Variants in CYSLTR2 observed in about 807,000 individuals in gnomAD.
CYSLTR2 encodes G-protein coupled receptor GPCR21.
For synonymous variants in CYSLTR2, 179 were observed against 160.8 expected (o/e 1.11, Z -0.86); for missense variants, 398 against 411.9 (o/e 0.97, Z 0.29).
chr13:48,689,847 G>A (rs889826028), intron 1 of CYSLTR2, among the ~76,000 whole-genome samples: 1 of 152,168 alleles, frequency 6.6e-6, no homozygotes, highest in Non-Finnish European at 1.5e-5. Flanking sequence ...ACTTTGGGCA[G>A]TATGGCCATT....
chr13:48,680,921 C>A lies in CYSLTR2; in HGVS notation c.-265-10291C>A, dbSNP rs565857293. Among the ~76,000 whole-genome samples, 10 of 150,292 alleles carry A rather than the reference C, an allele frequency of 6.7e-5. No homozygotes were observed. In the South Asian group the frequency reaches 8.4e-4, roughly 13 times the overall value. On this transcript the variant is annotated intron_variant, in intron 1 of 4. Coordinates refer to ENST00000682523, the MANE Select transcript of CYSLTR2 (RefSeq NM_001308476.3). ...TTAAAGGTTTCTCAAGAGAAAGTGTCGAACTAAATGGAATTTTGAATGTGG... is the reference window on the plus strand; with the variant it reads ...TTAAAGGTTTCTCAAGAGAAAGTGTAGAACTAAATGGAATTTTGAATGTGG...
chr13:48,711,164 T>C lies in CYSLTR2; in HGVS notation c.*3306T>C, dbSNP rs1566114521. On this transcript the variant is annotated 3_prime_UTR_variant, in exon 5 of 5. Coordinates refer to ENST00000682523, the MANE Select transcript of CYSLTR2 (RefSeq NM_001308476.3). ...TTTACGAACTGTGTAATTGCCTAAC[T>C]TGTGAATATGTATTTCTGAAGTAAA... 1 of 152,206 alleles carries C rather than the reference T, an allele frequency of 6.6e-6. No individual in the cohort carries two copies. The highest frequency in any genetic ancestry group is 1.5e-5 in the Non-Finnish European group (1 of 68,034). The allele number at this position is 152,206 out of a possible 1,614,324, so 9.4% of individuals were successfully genotyped here.
At chr13:48,657,127 C>T (rs1475162486) in intron 1 of CYSLTR2, among the ~76,000 whole-genome samples, 1 of 152,196 alleles carries the variant, frequency 6.6e-6, no homozygotes, top group Non-Finnish European at 1.5e-5. Flanking sequence ...TGAATGCAGA[C>T]TTTATTAGTT....
chr13:48,707,092 C>T lies in CYSLTR2; in HGVS notation c.275C>T (p.Pro92Leu). 6.2e-7 allele frequency: 1 copy of T among 1,614,212 alleles called. No homozygotes were observed. Among genetic ancestry groups the T allele is most frequent in the South Asian group, 1.1e-5 (1 of 91,090 alleles). Residue 92 changes from proline (P) to leucine (L), a missense_variant, in exon 5 of 5, where the codon CCC becomes CTC. Pro to Leu is a moderately conservative substitution (Grantham distance 98). Coordinates refer to ENST00000682523, the MANE Select transcript of CYSLTR2 (RefSeq NM_001308476.3). ...GATCTCCTGTTCATAAGCACGCTTCCCTTCAGGGCTGACTATTATCTTAGA... is the reference window on the plus strand; with the variant it reads ...GATCTCCTGTTCATAAGCACGCTTCTCTTCAGGGCTGACTATTATCTTAGA... ...ISDLLFISTL[P>L]FRADYYLRGS...
intron 4 of CYSLTR2, among the ~76,000 whole-genome samples, chr13:48,704,089 C>T (rs1954418782): frequency 6.6e-6 from 1 of 152,150 alleles, no homozygotes; most frequent in Non-Finnish European, 1.5e-5. Flanking sequence ...TGTTTTATTC[C>T]TGACAATGGA....
At chr13:48,662,786 A>C (rs1365458982) in intron 1 of CYSLTR2, among the ~76,000 whole-genome samples, 3 of 152,060 alleles carry the variant, frequency 2.0e-5, no homozygotes, top group African/African-American at 7.2e-5. Context: ...ATATTTTCTC[A>C]AATTCTGTAG....
At chr13:48,656,467 G>A (rs909085207) in intron 1 of CYSLTR2, among the ~76,000 whole-genome samples, 1 of 152,110 alleles carries the variant, frequency 6.6e-6, no homozygotes, top group Non-Finnish European at 1.5e-5. Context: ...TTGAAGCTCA[G>A]ACGGCTGCAG....
rs1323552 is a variant in CYSLTR2 at position 48,709,632 on chromosome 13, A to C, written c.*1774A>C. 0.6 allele frequency: 90,767 copies of C among 152,088 alleles called. 28,769 individuals carry two copies. The highest frequency in any genetic ancestry group is 0.83 in the African/African-American group (34,424 of 41,498). The allele number at this position is 152,088 out of a possible 1,614,324, so 9.4% of individuals were successfully genotyped here. On this transcript the variant is annotated 3_prime_UTR_variant, in exon 5 of 5. Coordinates refer to ENST00000682523, the MANE Select transcript of CYSLTR2 (RefSeq NM_001308476.3). ...TCAGAGCCTCATTCTTAATTATGAA[A>C]AGTAGTCAATGAACACAATACATTT...
chr13:48,654,874 G>A (rs1019793106), intron 1 of CYSLTR2, among the ~76,000 whole-genome samples: 1 of 152,168 alleles, frequency 6.6e-6, no homozygotes, highest in Non-Finnish European at 1.5e-5. Context: ...TGGGTGGTCA[G>A]CATAAAAACA....
At position 48,668,159 on chromosome 13, in the gene CYSLTR2, C is replaced by G. The variant is rs148510887; in HGVS notation, c.-266+14142C>G. On this transcript the variant is annotated intron_variant, in intron 1 of 4. Coordinates refer to ENST00000682523, the MANE Select transcript of CYSLTR2 (RefSeq NM_001308476.3). ...TGGAGAGGCAGACATGATGTGTCTG[C>G]CTGACATATATCCCCCAAAGAGCAA... Among the ~76,000 whole-genome samples, 195 of 151,962 alleles carry G rather than the reference C, an allele frequency of 1.3e-3. 1 individual carries two copies. Among genetic ancestry groups the G allele is most frequent in the African/African-American group, 4.6e-3 (189 of 41,428 alleles).
At chr13:48,661,564 G>C (rs1467821406) in intron 1 of CYSLTR2, among the ~76,000 whole-genome samples, 2 of 151,696 alleles carry the variant, frequency 1.3e-5, no homozygotes, top group Non-Finnish European at 2.9e-5. Flanking sequence ...CCCTGTATGA[G>C]ACAACTCACA....
intron 1 of CYSLTR2, among the ~76,000 whole-genome samples, chr13:48,661,905 T>G (rs1331999626): frequency 6.6e-6 from 1 of 152,180 alleles, no homozygotes; most frequent in Non-Finnish European, 1.5e-5. Flanking sequence ...AATACATTAT[T>G]GTTAATTAGA....
At chr13:48,691,481 G>T (rs1481087098) in intron 2 of CYSLTR2, among the ~76,000 whole-genome samples, 180 bp downstream of exon 2, 3 of 152,092 alleles carry the variant, frequency 2.0e-5, no homozygotes, top group Non-Finnish European at 4.4e-5. Context: ...GAATTATTAG[G>T]TTTAGTGTAG....
intron 1 of CYSLTR2, among the ~76,000 whole-genome samples, chr13:48,665,713 A>AT (rs1169510248): frequency 6.6e-6 from 1 of 151,784 alleles, no homozygotes; most frequent in East Asian, 1.9e-4. Context: ...AGGTTAGGTG[A>AT]TTTTCTTATA....
intron 1 of CYSLTR2, among the ~76,000 whole-genome samples, chr13:48,659,818 CT>C (rs1953085540): frequency 6.6e-6 from 1 of 152,160 alleles, no homozygotes; most frequent in South Asian, 2.1e-4. Flanking sequence ...TACCGCCAAC[CT>C]TTCTAAATAC....
intron 1 of CYSLTR2, among the ~76,000 whole-genome samples, chr13:48,683,930 A>G (rs142038092): frequency 6.6e-6 from 1 of 152,272 alleles, no homozygotes; most frequent in East Asian, 1.9e-4. Flanking sequence ...TTTTAAAAAA[A>G]TTATTTTACA....
At chr13:48,706,574 C>A in intron 4 of CYSLTR2, 1 of 423,618 alleles carries the variant, frequency 2.4e-6, no homozygotes, top group South Asian at 3.2e-5. Context: ...AAGTTTGAAG[C>A]GTCAGCTTCA....
intron 1 of CYSLTR2, among the ~76,000 whole-genome samples, chr13:48,673,433 CTTTTTTT>C (rs61699943): frequency 4.1e-5 from 2 of 48,314 alleles, no homozygotes; most frequent in Non-Finnish European, 7.3e-5. Context: ...GTAACCCCGG[CTTTTTTT>C]TTTTTTTTTT....
chr13:48,661,939 A>G (rs949093049), intron 1 of CYSLTR2, among the ~76,000 whole-genome samples: 3 of 152,342 alleles, frequency 2.0e-5, no homozygotes, highest in African/African-American at 4.8e-5. Context: ...GGTATAGAAC[A>G]TTAGAACTTA....
Sources: gnomAD v4.1 joint callset for allele counts (sites outside exome capture counted in the v4.1 genomes callset) on GRCh38, gnomAD v4.1.1 for gene constraint, MANE v1.5 for transcripts, NCBI Gene and HGNC (gene_info 2026-07-23, HGNC 2026-07-21) for gene names.